Variants in CCNT2 observed in about 807,000 individuals in gnomAD.
CCNT2 encodes cyclin T2.
A neutral mutation model predicts 70.0 loss-of-function variants in CCNT2; 18 were observed. The observed-to-expected ratio is 0.26, with a 90% confidence interval of 0.18 to 0.38. The LOEUF (loss-of-function observed/expected upper bound fraction) is 0.38. Among genes scored for constraint, CCNT2 ranks in the 10% least tolerant of loss-of-function variants. CCNT2 has a pLI of 1.00. For missense variants in CCNT2, 734 were observed against 890.2 expected (o/e 0.82, Z 2.23); for synonymous variants, 334 against 313.3 (o/e 1.07, Z -0.70).
rs780875456 is a variant in CCNT2 at position 134,953,558 on chromosome 2, A to G, written c.1103A>G (p.Gln368Arg). 9.3e-6 allele frequency: 15 copies of G among 1,614,196 alleles called. No homozygotes were observed. The highest frequency in any genetic ancestry group is 1.3e-5 in the Non-Finnish European group (15 of 1,180,004). ...ARTEQLYSQK[Q>R]ETSLSGSQYN... ...ACAGAACAGCTATATTCACAGAAAC[A>G]GGAGACATCTTTGTCTGGTAGCCAG... Residue 368 changes from glutamine to arginine, a missense_variant, in exon 9 of 9, where the codon CAG (glutamine) becomes CGG (arginine). Coordinates refer to ENST00000264157, the MANE Select transcript of CCNT2 (RefSeq NM_058241.3).
Position 134,953,660 on chromosome 2 carries a change from A to G in CCNT2, c.1205A>G (p.Asp402Gly). Reference sequence around the variant, plus strand: ...CATCACAGACCTGACAAAATTTCAGATCATTCTTCTGTTAAGCAAGAATAT... The same window carrying G: ...CATCACAGACCTGACAAAATTTCAGGTCATTCTTCTGTTAAGCAAGAATAT... ...GLHHRPDKIS[D>G]HSSVKQEYTH... Residue 402 changes from aspartate to glycine, a missense_variant, in exon 9 of 9, where the codon GAT becomes GGT. By Grantham distance (94) the Asp-to-Gly change is moderately conservative. Coordinates refer to ENST00000264157, the MANE Select transcript of CCNT2 (RefSeq NM_058241.3). 5 of 1,614,132 alleles carry G rather than the reference A, an allele frequency of 3.1e-6. No homozygotes were observed. Among genetic ancestry groups the G allele is most frequent in the Non-Finnish European group, 4.2e-6 (5 of 1,179,972 alleles).
chr2:134,953,603 A>T lies in CCNT2; in HGVS notation c.1148A>T (p.Gln383Leu), dbSNP rs768088464. ...AGCCAGTACAACATCAACTTCCAGC[A>T]GGGACCTTCTATATCACTGCATTCA... ...SGSQYNINFQQGPSISLHSGL... is the reference protein window; with the variant it reads ...SGSQYNINFQLGPSISLHSGL... Residue 383 changes from glutamine (Q) to leucine (L), a missense_variant, in exon 9 of 9, where the codon CAG becomes CTG. Transcript: ENST00000264157. The T allele has an allele frequency of 6.2e-7, 1 of 1,614,046 alleles. No homozygotes were observed.
chr2:134,943,498 T>A (rs1028478684), intron 5 of CCNT2: 1 of 984,826 alleles, frequency 1.0e-6, no homozygotes, highest in African/African-American at 1.7e-5. Flanking sequence ...TCTTTGACAT[T>A]ACTAAAAGTG....
chr2:134,944,877 C>T, intron 5 of CCNT2: 1 of 985,172 alleles, frequency 1.0e-6, no homozygotes, highest in East Asian at 1.1e-4. Context: ...CTGCTAATGG[C>T]ATTTTTTAAT....
chr2:134,944,858 A>T, intron 5 of CCNT2: 1 of 985,178 alleles, frequency 1.0e-6, no homozygotes, highest in Non-Finnish European at 1.2e-6. Context: ...ATACATGCCT[A>T]GGTGAAAACT....
Position 134,936,832 on chromosome 2 carries a change from T to C in CCNT2, c.241-9T>C. On this transcript the variant is annotated splice_polypyrimidine_tract_variant and intron_variant, in intron 2 of 8. Transcript: ENST00000264157. ...TTCTTAAATGACCAGAGTTTTATCT[T>C]TTCTGCAGATAATATCGTCTACTGC... 1 of 1,604,060 alleles carries C rather than the reference T, an allele frequency of 6.2e-7. No homozygotes were observed. Among genetic ancestry groups the C allele is most frequent in the Admixed American group, 1.7e-5 (1 of 57,764 alleles).
At chr2:134,939,184 C>A in intron 4 of CCNT2, 122 bp downstream of exon 4, 6 of 717,518 alleles carry the variant, frequency 8.4e-6, no homozygotes, top group Non-Finnish European at 1.4e-5. Flanking sequence ...AGGTTTTAGA[C>A]AGAATAAGGT....
chr2:134,935,887 C>G (rs1301411335), intron 2 of CCNT2, among the ~76,000 whole-genome samples: 1 of 151,880 alleles, frequency 6.6e-6, no homozygotes, highest in African/African-American at 2.4e-5. Flanking sequence ...TGCTTATACC[C>G]TGGTGGTGTA....
rs1004344791 is a variant in CCNT2 at position 134,956,901 on chromosome 2, G to A, written c.*2253G>A. 4 of 152,518 alleles carry A rather than the reference G, an allele frequency of 2.6e-5. No homozygotes were observed. Among genetic ancestry groups the A allele is most frequent in the Non-Finnish European group, 5.9e-5 (4 of 67,974 alleles). 9.4% of individuals were successfully genotyped at this position (152,518 alleles called of 1,614,324 possible). ...AGCTAGTGTATATTGTTATGGGTCAGTACTTATTAGTACTTCCAAAATTGA... is the reference window on the plus strand; with the variant it reads ...AGCTAGTGTATATTGTTATGGGTCAATACTTATTAGTACTTCCAAAATTGA... On this transcript the variant is annotated 3_prime_UTR_variant, in exon 9 of 9. Coordinates refer to ENST00000264157, the MANE Select transcript of CCNT2 (RefSeq NM_058241.3).
At chr2:134,942,822 T>C in intron 5 of CCNT2, 148 bp downstream of exon 5, 1 of 1,392,694 alleles carries the variant, frequency 7.2e-7, no homozygotes, top group Admixed American at 3.1e-5. Context: ...CTTTTTAGTG[T>C]TCTACATCTA....
intron 5 of CCNT2, chr2:134,944,304 A>G: frequency 8.1e-6 from 8 of 982,144 alleles, no homozygotes; most frequent in Non-Finnish European, 9.7e-6. Flanking sequence ...TTGTAGCCAT[A>G]TAATTTGCTT....
At chr2:134,944,082 A>T (rs1160615994) in intron 5 of CCNT2, 1 of 984,552 alleles carries the variant, frequency 1.0e-6, no homozygotes, top group African/African-American at 1.7e-5. Context: ...ATTTTTTTGT[A>T]GTAGCACACG....
chr2:134,937,582 A>AAGAAATAAGG (rs1245389595), intron 3 of CCNT2, among the ~76,000 whole-genome samples: 12 of 152,174 alleles, frequency 7.9e-5, no homozygotes, highest in African/African-American at 2.9e-4. Flanking sequence ...CTGACATCTT[A>AAGAAATAAGG]AGAAATAAGG....
intron 3 of CCNT2, among the ~76,000 whole-genome samples, chr2:134,938,464 C>G (rs906695834): frequency 6.6e-6 from 1 of 152,118 alleles, no homozygotes; most frequent in African/African-American, 2.4e-5. Flanking sequence ...AGGAGGTTCT[C>G]TGGTATTTAT....
In CCNT2 at chr2:134,929,480, C is replaced by T. The variant is rs192612692; in HGVS notation, c.241-7361C>T. Among the ~76,000 whole-genome samples the T allele has an allele frequency of 2.4e-3, 369 of 151,518 alleles. 1 individual carries two copies. Among genetic ancestry groups the T allele is most frequent in the African/African-American group, 8.4e-3 (347 of 41,320 alleles). ...AAAATTAGCCCGGCATCTTGGTGTGCGCCTGTAGTCCCAGCTACTTGGGAG... is the reference window on the plus strand; with the variant it reads ...AAAATTAGCCCGGCATCTTGGTGTGTGCCTGTAGTCCCAGCTACTTGGGAG... On this transcript the variant is annotated intron_variant, in intron 2 of 8. Transcript: ENST00000264157.
chr2:134,950,882 T>C (rs977316587), intron 7 of CCNT2, among the ~76,000 whole-genome samples: 12 of 152,224 alleles, frequency 7.9e-5, no homozygotes, highest in African/African-American at 2.9e-4. Context: ...TAAAATTTAA[T>C]ACAGTAGGAT....
chr2:134,953,969 T>A lies in CCNT2; in HGVS notation c.1514T>A (p.Leu505Gln). The change falls in exon 9 of 9, where the codon CTG becomes CAG. Residue 505 changes from leucine to glutamine, a missense_variant. Leu to Gln is a moderately radical substitution (Grantham distance 113). Transcript: ENST00000264157. ...GACAAAAAGGAAAAGAGTGGGTCAC[T>A]GAAATTACGGATTCCAATACCACCC... ...MADKKEKSGS[L>Q]KLRIPIPPTD... The A allele has an allele frequency of 1.9e-6, 3 of 1,614,126 alleles. No homozygotes were observed. The highest frequency in any genetic ancestry group is 2.5e-6 in the Non-Finnish European group (3 of 1,180,012).
chr2:134,943,032 CTT>C lies in CCNT2; in HGVS notation c.493+360_493+361del. 3.0e-6 allele frequency: 3 copies of C among 985,214 alleles called. No individual in the cohort carries two copies. In the East Asian group the frequency reaches 3.4e-4, roughly 112 times the overall value. 61.0% of individuals were successfully genotyped at this position (985,214 alleles called of 1,614,324 possible). A position where few individuals can be genotyped will look rare whatever the true frequency, so the allele number is the denominator to read the frequency against. On this transcript the variant is annotated intron_variant, in intron 5 of 8. Coordinates refer to ENST00000264157, the MANE Select transcript of CCNT2 (RefSeq NM_058241.3). ...ATATTAATTTTGGGTTTGTGTCAAA[CTT>C]TGACTTTTTGAAAAGTGATAACAGT...
intron 8 of CCNT2, 48 bp from the exon 9 acceptor site, chr2:134,953,171 GAAATTTGCATT>G (rs1295038790): frequency 1.1e-5 from 13 of 1,221,726 alleles, no homozygotes; most frequent in Non-Finnish European, 1.4e-5. Flanking sequence ...TATAAGACAA[GAAATTTGCATT>G]AAATTATTTT....
Sources: gnomAD v4.1 joint callset for allele counts (sites outside exome capture counted in the v4.1 genomes callset) on GRCh38, gnomAD v4.1.1 for gene constraint, MANE v1.5 for transcripts, NCBI Gene and HGNC (gene_info 2026-07-23, HGNC 2026-07-21) for gene names.